The following SYCP2 variants were observed in gnomAD, a reference collection of about 807,000 sequenced individuals.
SYCP2 encodes synaptonemal complex lateral element protein.
Under a neutral mutation model 211.3 loss-of-function variants are expected in SYCP2, and 55 were observed. The observed-to-expected ratio is 0.26, with a 90% confidence interval of 0.21 to 0.33. SYCP2 has a LOEUF of 0.33. SYCP2 is among the 10% of genes least tolerant of loss of function. The probability of loss-of-function intolerance (pLI) is 1.00; values close to 1 mark genes in which losing one functional copy is unlikely to be tolerated. For synonymous variants in SYCP2, 570 were observed against 555.2 expected, an observed-to-expected ratio of 1.03 and a Z score of -0.37; for missense variants, 1,731 against 1,752.0, an observed-to-expected ratio of 0.99 and a Z score of 0.21.
chr20:59,873,337 C>A (rs1460336062), intron 35 of SYCP2, among the ~76,000 whole-genome samples: 1 of 152,156 alleles, frequency 6.6e-6, no homozygotes, highest in Admixed American at 6.6e-5. Context: ...ACAAGCACTG[C>A]AATACCTCTA....
chr20:59,893,488 TA>T (rs1470915410), intron 21 of SYCP2, 35 bp downstream of exon 21: 9 of 1,405,808 alleles, frequency 6.4e-6, no homozygotes, highest in African/African-American at 1.4e-5. Context: ...TACATTTTCT[TA>T]AAAAAATGAC....
intron 33 of SYCP2, among the ~76,000 whole-genome samples, chr20:59,876,147 C>A (rs940669557): frequency 1.3e-4 from 19 of 151,502 alleles, no homozygotes; most frequent in Non-Finnish European, 2.7e-4. Context: ...CCGAGGCGGG[C>A]AGATCATGAG....
chr20:59,915,730 C>T, intron 8 of SYCP2, 180 bp from the exon 9 acceptor site: 1 of 474,958 alleles, frequency 2.1e-6, no homozygotes. Context: ...GGCATGGTGG[C>T]TCACTATAAT....
chr20:59,916,560 CTTGT>C lies in SYCP2; in HGVS notation c.435_438del (p.Gln146Ter). 1 of 1,601,260 alleles carries C rather than the reference CTTGT, an allele frequency of 6.2e-7. No individual in the cohort carries two copies. The highest frequency in any genetic ancestry group is 1.7e-5 in the Admixed American group (1 of 59,956). On this transcript the variant is annotated frameshift_variant, in exon 8 of 45. Coordinates refer to ENST00000357552, the MANE Select transcript of SYCP2 (RefSeq NM_014258.4). LOFTEE classifies it high-confidence loss of function. ...ATGCGAGGTACGAAACTTTCCACTACTTGTTTTTTACCTGAATAAAAGTGTTAAA... is the reference window on the plus strand; with the variant it reads ...ATGCGAGGTACGAAACTTTCCACTACTTTTTACCTGAATAAAAGTGTTAAA...
chr20:59,892,478 T>C lies in SYCP2; in HGVS notation c.1928-52A>G, dbSNP rs377566650. 3.2e-5 allele frequency: 47 copies of C among 1,469,770 alleles called. 1 individual carries two copies. In the South Asian group the frequency reaches 3.5e-4, roughly 11 times the overall value. The allele number at this position is 1,469,770 out of a possible 1,614,324, so 91.0% of individuals were successfully genotyped here. A position where few individuals can be genotyped will look rare whatever the true frequency, so the allele number is the denominator to read the frequency against. ...CTTTTTAAATTAATAAGTTGACATA[T>C]GTAAAATTTGTTAAATTTGTTTTAA... On this transcript the variant is annotated intron_variant, in intron 23 of 44. Transcript: ENST00000357552.
Position 59,877,560 on chromosome 20 carries a change from A to G in SYCP2, c.2980-5T>C. 1 of 1,580,100 alleles carries G rather than the reference A, an allele frequency of 6.3e-7. No homozygotes were observed. The highest frequency in any genetic ancestry group is 8.5e-7 in the Non-Finnish European group (1 of 1,171,680). ...TGTGATATTTTTACTGGGTGTCTTT[A>G]GGAGAAAAATTCCTGAATATTAGAT... On this transcript the variant is annotated splice_region_variant and splice_polypyrimidine_tract_variant and intron_variant, in intron 32 of 44. Coordinates refer to ENST00000357552, the MANE Select transcript of SYCP2 (RefSeq NM_014258.4).
At chr20:59,927,389 A>G (rs2060652881) in intron 2 of SYCP2, among the ~76,000 whole-genome samples, 1 of 152,108 alleles carries the variant, frequency 6.6e-6, no homozygotes. Flanking sequence ...AGTACATCAA[A>G]GGCTCTACCA....
chr20:59,914,883 CTATTA>C (rs1451391614), intron 10 of SYCP2, among the ~76,000 whole-genome samples: 1 of 151,778 alleles, frequency 6.6e-6, no homozygotes, highest in Non-Finnish European at 1.5e-5. Context: ...ATTAATTAAG[CTATTA>C]TATTAAGCTA....
chr20:59,915,836 A>C, intron 8 of SYCP2: 1 of 201,404 alleles, frequency 5.0e-6, no homozygotes, highest in Non-Finnish European at 1.0e-5. Context: ...TCTACCAAAA[A>C]TACAAAAATT....
Position 59,900,151 on chromosome 20 carries a change from T to C in SYCP2, c.1391A>G (p.Asn464Ser). 6.2e-7 allele frequency: 1 copy of C among 1,613,258 alleles called. No homozygotes were observed. Among genetic ancestry groups the C allele is most frequent in the South Asian group, 1.1e-5 (1 of 91,066 alleles). ...CACCATCTTTACCTCAAGCTGACTA[T>C]TATTTCTATTCCCTTTGTCACTGTT... ...IKNSDKGNRN[N>S]SQLEKTTPSK... Residue 464 changes from asparagine to serine, a missense_variant, in exon 18 of 45, where the codon AAT becomes AGT. Transcript: ENST00000357552.
chr20:59,870,018 G>T (rs756656671), intron 35 of SYCP2, 35 bp from the exon 36 acceptor site: 2 of 1,421,410 alleles, frequency 1.4e-6, no homozygotes, highest in Non-Finnish European at 1.9e-6. Flanking sequence ...CCAATAAGAA[G>T]TTACAAAATT....
Position 59,916,566 on chromosome 20 carries a change from T to C in SYCP2, c.433A>G (p.Lys145Glu). Residue 145 changes from lysine (K) to glutamate (E), a missense_variant, in exon 8 of 45, where the codon AAA (lysine) becomes GAA (glutamate). Coordinates refer to ENST00000357552, the MANE Select transcript of SYCP2 (RefSeq NM_014258.4). Reference protein sequence around the residue: ...VIHDVSDEGKKQVVESFVPRI... With the variant: ...VIHDVSDEGKEQVVESFVPRI... ...GGTACGAAACTTTCCACTACTTGTT[T>C]TTTACCTGAATAAAAGTGTTAAATT... 1 of 1,591,066 alleles carries C rather than the reference T, an allele frequency of 6.3e-7. No individual in the cohort carries two copies. Among genetic ancestry groups the C allele is most frequent in the South Asian group, 1.1e-5 (1 of 90,552 alleles).
chr20:59,908,198 A>G (rs971432906), intron 14 of SYCP2, among the ~76,000 whole-genome samples: 6 of 152,172 alleles, frequency 3.9e-5, no homozygotes, highest in African/African-American at 1.4e-4. Flanking sequence ...GCAGTGAGCC[A>G]AGATCGCACC....
At chr20:59,911,924 T>TA in intron 13 of SYCP2, 79 bp from the exon 14 acceptor site, 1 of 590,676 alleles carries the variant, frequency 1.7e-6, no homozygotes. Flanking sequence ...TATTCATGGC[T>TA]AAAGCAAGAA....
At chr20:59,927,232 T>C (rs2145904197) in intron 2 of SYCP2, among the ~76,000 whole-genome samples, 1 of 152,296 alleles carries the variant, frequency 6.6e-6, no homozygotes, top group African/African-American at 2.4e-5. Context: ...AATCTTTCAG[T>C]CCTTGGTCTT....
At chr20:59,868,229 T>C (rs547145483) in intron 38 of SYCP2, among the ~76,000 whole-genome samples, 184 bp downstream of exon 38, 35 of 151,936 alleles carry the variant, frequency 2.3e-4, no homozygotes, top group Non-Finnish European at 4.4e-4. Flanking sequence ...GGGAGATCTA[T>C]GGGCATCTAA....
rs1334164379 is a variant in SYCP2 at position 59,887,145 on chromosome 20, T to A, written c.2365-311A>T. On this transcript the variant is annotated intron_variant, in intron 24 of 44. Transcript: ENST00000357552. ...TAGGTATATCTCCTAATGCTATCCC[T>A]CCCCCCTTCCCCTACCCCACGACAG... Among the ~76,000 whole-genome samples, 3 of 151,956 alleles carry A rather than the reference T, an allele frequency of 2.0e-5. No homozygotes were observed. In the East Asian group the frequency reaches 5.8e-4, roughly 29 times the overall value.
intron 26 of SYCP2, among the ~76,000 whole-genome samples, chr20:59,885,329 G>GAAAT (rs2059764813): frequency 6.6e-6 from 1 of 152,042 alleles, no homozygotes; most frequent in Non-Finnish European, 1.5e-5. Context: ...TTGCCACAGA[G>GAAAT]AAATGCTAGA....
chr20:59,895,536 T>A lies in SYCP2; in HGVS notation c.1566A>T (p.Lys522Asn). 1 of 1,611,110 alleles carries A rather than the reference T, an allele frequency of 6.2e-7. No homozygotes were observed. Among genetic ancestry groups the A allele is most frequent in the Middle Eastern group, 1.7e-4 (1 of 6,032 alleles). Residue 522 changes from lysine (K) to asparagine (N), a missense_variant, in exon 20 of 45, where the codon AAA (lysine) becomes AAT (asparagine). Physicochemically the swap from Lys to Asn is moderately conservative, Grantham distance 94 (BLOSUM62 0). Transcript: ENST00000357552. ...TTTCTGATGTTTGAGAAACACTAGG[T>A]TTCTCTGCAGAGCTCGTCATTTGCA... ...PPLQMTSSAE[K>N]PSVSQTSENR... is the part of the protein sequence containing the mutation.
Sources: allele counts gnomAD v4.1 joint callset (sites outside exome capture counted in the v4.1 genomes callset), GRCh38; gene constraint gnomAD v4.1.1; transcripts MANE v1.5; gene names NCBI Gene and HGNC (gene_info 2026-07-23, HGNC 2026-07-21).